Variants in ROBO1 observed in about 807,000 individuals in gnomAD.
ROBO1 encodes roundabout homolog 1.
ROBO1 carries 149 observed loss-of-function variants against 195.9 expected under a neutral mutation model. The observed-to-expected ratio is 0.76, with a 90% CI of 0.67 to 0.87. The LOEUF (loss-of-function observed/expected upper bound fraction) is 0.87, where lower values mean the gene tolerates loss of function less well. Ranked by LOEUF, ROBO1 falls within the 40% of genes least tolerant of loss-of-function variation. The pLI is 0.00. For synonymous variants in ROBO1, 816 were observed against 733.2 expected (o/e 1.11, Z -1.82); for missense variants, 1,933 against 2,068.3 (o/e 0.93, Z 1.27).
intron 4 of ROBO1, among the ~76,000 whole-genome samples, chr3:78,890,524 A>G (rs1405851473): frequency 1.3e-5 from 2 of 152,138 alleles, no homozygotes; most frequent in African/African-American, 4.8e-5. Context: ...CCAGTCTATG[A>G]CAATTTGTTA....
At chr3:79,059,892 G>A (rs540508043) in intron 3 of ROBO1, among the ~76,000 whole-genome samples, 2 of 152,074 alleles carry the variant, frequency 1.3e-5, no homozygotes, top group East Asian at 3.9e-4. Context: ...GGATAACAGC[G>A]ATTTTCAGGG....
At chr3:78,873,976 A>T (rs2035694162) in intron 4 of ROBO1, among the ~76,000 whole-genome samples, 1 of 151,480 alleles carries the variant, frequency 6.6e-6, no homozygotes, top group Non-Finnish European at 1.5e-5. Flanking sequence ...TGTAACCCAT[A>T]CTCCATTTAT....
chr3:78,776,456 G>T (rs927210551), intron 4 of ROBO1, among the ~76,000 whole-genome samples: 2 of 152,052 alleles, frequency 1.3e-5, no homozygotes, highest in Non-Finnish European at 2.9e-5. Context: ...TCGCCATGTT[G>T]GCCAGCTGGT....
intron 2 of ROBO1, among the ~76,000 whole-genome samples, chr3:79,484,427 G>A (rs1559932326): frequency 6.6e-6 from 1 of 151,984 alleles, no homozygotes; most frequent in Non-Finnish European, 1.5e-5. Flanking sequence ...AAGTCATTCT[G>A]TTACATACTC....
intron 2 of ROBO1, among the ~76,000 whole-genome samples, chr3:79,507,048 A>T (rs1043249860): frequency 6.6e-6 from 1 of 152,184 alleles, no homozygotes; most frequent in African/African-American, 2.4e-5. Flanking sequence ...AACATACATA[A>T]TAGAGCTCCT....
At position 78,934,162 on chromosome 3, in the gene ROBO1, A is replaced by G. The variant is rs193301321; in HGVS notation, c.499+4439T>C. ...CTAACCATAATGGAAGTAAAGAGAA[A>G]AAGGTAGTGAAAGCAATAGCAAAAA... is the stretch of plus-strand genomic sequence containing the variant. On this transcript the variant is annotated intron_variant, in intron 4 of 30. Coordinates refer to ENST00000464233, the MANE Select transcript of ROBO1 (RefSeq NM_002941.4). Among the ~76,000 whole-genome samples the G allele has an allele frequency of 1.1e-3, 165 of 152,148 alleles. 4 individuals carry two copies. The highest frequency in any genetic ancestry group is 3.1e-3 in the Admixed American group (48 of 15,272).
At chr3:78,904,696 GTATATATGTATA>G (rs1027918793) in intron 4 of ROBO1, among the ~76,000 whole-genome samples, 3 of 138,292 alleles carry the variant, frequency 2.2e-5, no homozygotes, top group Admixed American at 7.0e-5. Flanking sequence ...GTATACATAT[GTATATATGTATA>G]TATATATGTA....
intron 2 of ROBO1, among the ~76,000 whole-genome samples, chr3:79,549,783 T>TGC (rs1559983880): frequency 4.7e-4 from 72 of 151,952 alleles, no homozygotes; most frequent in African/African-American, 1.7e-3. Context: ...AAAAAGAGGG[T>TGC]AGCCCTTATT....
chr3:78,811,797 C>T (rs1275736275), intron 4 of ROBO1, among the ~76,000 whole-genome samples: 1 of 152,004 alleles, frequency 6.6e-6, no homozygotes. Flanking sequence ...AAATTCAATC[C>T]TTTTTTCATC....
At chr3:78,672,346 A>G (rs1354067304) in intron 10 of ROBO1, among the ~76,000 whole-genome samples, 1 of 152,130 alleles carries the variant, frequency 6.6e-6, no homozygotes, top group African/African-American at 2.4e-5. Flanking sequence ...TGGGTGGCCA[A>G]GTAAGGTGGA....
chr3:79,455,945 C>T (rs1050963627), intron 2 of ROBO1, among the ~76,000 whole-genome samples: 2 of 152,086 alleles, frequency 1.3e-5, no homozygotes, highest in African/African-American at 4.8e-5. Context: ...ACCCGAGTAG[C>T]TCTACATTTA....
At chr3:79,124,764 T>G (rs2080183632) in intron 3 of ROBO1, among the ~76,000 whole-genome samples, 1 of 152,216 alleles carries the variant, frequency 6.6e-6, no homozygotes, top group African/African-American at 2.4e-5. Context: ...AAAGTTTTAG[T>G]CAAATTATCT....
At chr3:79,192,014 C>A in intron 2 of ROBO1, among the ~76,000 whole-genome samples, 1 of 151,500 alleles carries the variant, frequency 6.6e-6, no homozygotes, top group East Asian at 1.9e-4. Context: ...GTTTCAATAT[C>A]TGTACCAGGA....
intron 1 of ROBO1, among the ~76,000 whole-genome samples, chr3:79,620,504 G>T (rs563343222): frequency 6.1e-5 from 9 of 147,996 alleles, no homozygotes; most frequent in African/African-American, 2.2e-4. Flanking sequence ...CCCAACTCTG[G>T]TGCCAACTTG....
intron 4 of ROBO1, among the ~76,000 whole-genome samples, chr3:78,911,221 C>A (rs1293071588): frequency 2.0e-5 from 3 of 151,996 alleles, no homozygotes; most frequent in African/African-American, 7.2e-5. Flanking sequence ...ATAATTGCAT[C>A]CATACTTTGA....
chr3:79,241,245 T>G (rs749602380), intron 2 of ROBO1, among the ~76,000 whole-genome samples: 7 of 151,900 alleles, frequency 4.6e-5, no homozygotes, highest in Non-Finnish European at 8.8e-5. Flanking sequence ...ATAAAAGGAG[T>G]GTTAAGAATG....
intron 29 of ROBO1, among the ~76,000 whole-genome samples, chr3:78,602,836 A>C (rs1703254918): frequency 6.6e-6 from 1 of 152,172 alleles, no homozygotes; most frequent in Admixed American, 6.5e-5. Context: ...ACTCCCTTAG[A>C]TATCTTCCTT....
intron 3 of ROBO1, among the ~76,000 whole-genome samples, chr3:79,105,576 C>G (rs138820306): frequency 2.0e-5 from 3 of 151,622 alleles, no homozygotes; most frequent in Non-Finnish European, 4.4e-5. Flanking sequence ...TTAATTTTAT[C>G]TTATGAATTT....
intron 3 of ROBO1, among the ~76,000 whole-genome samples, chr3:79,068,910 C>G (rs945814443): frequency 6.6e-6 from 1 of 151,890 alleles, no homozygotes; most frequent in Non-Finnish European, 1.5e-5. Context: ...ATTCCTTTCT[C>G]TTCCATTATC....
Sources: allele counts gnomAD v4.1 joint callset (sites outside exome capture counted in the v4.1 genomes callset), GRCh38; gene constraint gnomAD v4.1.1; transcripts MANE v1.5; gene names NCBI Gene and HGNC (gene_info 2026-07-23, HGNC 2026-07-21).